Variants in ZNF536 observed in about 807,000 individuals in gnomAD.
ZNF536 encodes the protein zinc finger protein 536.
In ZNF536, 13 loss-of-function variants were observed where a neutral mutation model predicts 84.5. The ratio of observed to expected loss-of-function variants is 0.15; its 90% CI spans 0.10 to 0.24. The LOEUF is 0.24. Among genes scored for constraint, ZNF536 ranks in the 10% least tolerant of loss-of-function variants. The probability of loss-of-function intolerance (pLI) is 1.00; values close to 1 mark genes in which losing one functional copy is unlikely to be tolerated. For missense variants in ZNF536, 1,536 were observed against 1,747.5 expected, an observed-to-expected ratio of 0.88 and a Z score of 2.16; for synonymous variants, 811 against 742.5, an observed-to-expected ratio of 1.09 and a Z score of -1.50.
At chr19:30,281,582 G>T (rs898199929) in intron 1 of ZNF536, among the ~76,000 whole-genome samples, 1 of 144,054 alleles carries the variant, frequency 6.9e-6, no homozygotes, top group Admixed American at 6.9e-5. Flanking sequence ...ACAGGTGCTG[G>T]GAAGGGAGTC....
At chr19:30,529,413 C>A (rs533174356) in intron 2 of ZNF536, among the ~76,000 whole-genome samples, 1 of 152,058 alleles carries the variant, frequency 6.6e-6, no homozygotes, top group Non-Finnish European at 1.5e-5. Context: ...TCTGAGCATC[C>A]GTTTCTTTGT....
At chr19:30,582,674 G>A (rs1048826975) in intron 1 of ZNF536, among the ~76,000 whole-genome samples, 83 of 152,230 alleles carry the variant, frequency 5.5e-4, no homozygotes, top group African/African-American at 2.0e-3. Context: ...ACAGTTCTTT[G>A]TGACTGGGGA....
chr19:30,566,796 C>G (rs1318652023), intron 1 of ZNF536, among the ~76,000 whole-genome samples: 2 of 150,148 alleles, frequency 1.3e-5, no homozygotes, highest in East Asian at 4.0e-4. Context: ...GTGGCCTCTC[C>G]GGACAGTGGA....
intron 1 of ZNF536, among the ~76,000 whole-genome samples, chr19:30,268,326 G>T (rs915359436): frequency 6.6e-6 from 1 of 152,122 alleles, no homozygotes; most frequent in Non-Finnish European, 1.5e-5. Context: ...TGTGGTCAGT[G>T]CTATTAGTCC....
chr19:30,387,703 C>T (rs978271080), intron 1 of ZNF536, among the ~76,000 whole-genome samples: 2 of 152,194 alleles, frequency 1.3e-5, no homozygotes, highest in Admixed American at 1.3e-4. Context: ...ACACTAATGG[C>T]TGGAGGAATA....
At chr19:30,411,968 A>G (rs750854455) in intron 1 of ZNF536, among the ~76,000 whole-genome samples, 21 of 151,908 alleles carry the variant, frequency 1.4e-4, no homozygotes, top group Non-Finnish European at 2.7e-4. Flanking sequence ...TTTCTGTTTT[A>G]CTTTTATAGA....
intron 2 of ZNF536, among the ~76,000 whole-genome samples, chr19:30,490,100 A>G (rs189973444): frequency 1.3e-5 from 2 of 152,350 alleles, no homozygotes; most frequent in Non-Finnish European, 2.9e-5. Context: ...GACTTAGTCC[A>G]AGTTCATGTG....
intron 2 of ZNF536, among the ~76,000 whole-genome samples, chr19:30,501,917 G>T (rs2054966063): frequency 6.6e-6 from 1 of 152,166 alleles, no homozygotes; most frequent in Non-Finnish European, 1.5e-5. Flanking sequence ...AGGCATAAAT[G>T]GGCTAAGGGA....
chr19:30,628,009 C>A (rs1270580276), intron 1 of ZNF536, among the ~76,000 whole-genome samples: 1 of 152,200 alleles, frequency 6.6e-6, no homozygotes, highest in Non-Finnish European at 1.5e-5. Context: ...CCCCTGCTTC[C>A]CGTGGGGAGG....
At chr19:30,561,305 A>C (rs2046155849), downstream of ZNF536, among the ~76,000 whole-genome samples, 1 of 152,180 alleles carries the variant, frequency 6.6e-6, no homozygotes, top group South Asian at 2.1e-4. Flanking sequence ...AGGCCACTCC[A>C]AGGTGTGCCC....
intron 2 of ZNF536, among the ~76,000 whole-genome samples, chr19:30,524,232 G>T (rs2044484327): frequency 6.6e-6 from 1 of 152,186 alleles, no homozygotes; most frequent in East Asian, 1.9e-4. Flanking sequence ...GTATCTCTTT[G>T]TTGCAGACAC....
At chr19:30,480,296 C>A (rs1260259310) in intron 2 of ZNF536, among the ~76,000 whole-genome samples, 1 of 152,222 alleles carries the variant, frequency 6.6e-6, no homozygotes, top group African/African-American at 2.4e-5. Context: ...GCAGGGCAGA[C>A]AGAACAATCC....
intron 1 of ZNF536, among the ~76,000 whole-genome samples, chr19:30,431,206 T>C (rs972199929): frequency 2.0e-5 from 3 of 152,146 alleles, no homozygotes; most frequent in African/African-American, 7.2e-5. Flanking sequence ...AGAACCTGCG[T>C]TGAGGGGGTC....
At chr19:30,486,152 A>G (rs1487523974) in intron 2 of ZNF536, among the ~76,000 whole-genome samples, 1 of 152,138 alleles carries the variant, frequency 6.6e-6, no homozygotes, top group Non-Finnish European at 1.5e-5. Flanking sequence ...GGTTTGTTAC[A>G]TAGGTAAACA....
intron 2 of ZNF536, among the ~76,000 whole-genome samples, chr19:30,456,308 CTTTTTTTTTTT>C (rs11301441): frequency 9.3e-6 from 1 of 108,092 alleles, no homozygotes; most frequent in Non-Finnish European, 1.9e-5. Flanking sequence ...TGTTTCTTTT[CTTTTTTTTTTT>C]TTTTTTTTTG....
At chr19:30,523,370 A>C (rs2044445623) in intron 2 of ZNF536, among the ~76,000 whole-genome samples, 1 of 152,218 alleles carries the variant, frequency 6.6e-6, no homozygotes, top group African/African-American at 2.4e-5. Context: ...TGAGACATGA[A>C]TTCTTGTGAC....
chr19:30,271,376 T>C (rs144146679), intron 1 of ZNF536, among the ~76,000 whole-genome samples: 45 of 151,498 alleles, frequency 3.0e-4, no homozygotes, highest in African/African-American at 1.0e-3. Flanking sequence ...CTATTTCTTC[T>C]TGTTGCTATA....
intron 1 of ZNF536, among the ~76,000 whole-genome samples, chr19:30,564,208 G>T (rs1482009011): frequency 2.6e-5 from 4 of 152,166 alleles, no homozygotes; most frequent in Non-Finnish European, 5.9e-5. Flanking sequence ...GTTGGCACAT[G>T]CCTGTGCTCC....
At chr19:30,420,034 G>A (rs1046735917) in intron 1 of ZNF536, among the ~76,000 whole-genome samples, 2 of 152,150 alleles carry the variant, frequency 1.3e-5, no homozygotes, top group Non-Finnish European at 2.9e-5. Context: ...CAGGCAGGCT[G>A]GGCGCTGGGC....
Sources: allele counts gnomAD v4.1 joint callset (sites outside exome capture counted in the v4.1 genomes callset), GRCh38; gene constraint gnomAD v4.1.1; transcripts MANE v1.5; gene names NCBI Gene and HGNC (gene_info 2026-07-23, HGNC 2026-07-21).